Variants in VAV3 observed in about 807,000 individuals in gnomAD.
VAV3 encodes guanine nucleotide exchange factor VAV3.
VAV3 carries 94 observed loss-of-function variants against 131.2 expected under a neutral mutation model. The ratio of observed to expected loss-of-function variants is 0.72; its 90% CI spans 0.61 to 0.85. The LOEUF is 0.85. VAV3 is among the 40% of genes least tolerant of loss of function. The probability of loss-of-function intolerance (pLI) is 0.00; values close to 1 mark genes in which losing one functional copy is unlikely to be tolerated. For missense variants in VAV3, 939 were observed against 1,002.7 expected (o/e 0.94, Z 0.86); for synonymous variants, 349 against 342.0 (o/e 1.02, Z -0.22).
intron 15 of VAV3, among the ~76,000 whole-genome samples, chr1:107,737,079 A>G (rs1662690562): frequency 2.0e-5 from 3 of 152,208 alleles, no homozygotes; most frequent in Non-Finnish European, 4.4e-5. Context: ...ATCTTTGACA[A>G]TCCTGACAAA....
intron 19 of VAV3, among the ~76,000 whole-genome samples, chr1:107,667,794 A>G (rs374565316): frequency 2.6e-5 from 4 of 152,286 alleles, no homozygotes; most frequent in African/African-American, 9.6e-5. Flanking sequence ...ATATTTTGCT[A>G]TGATTTTATT....
At chr1:107,599,497 CA>C (rs1180135385) in intron 24 of VAV3, among the ~76,000 whole-genome samples, 3 of 152,114 alleles carry the variant, frequency 2.0e-5, no homozygotes, top group African/African-American at 4.8e-5. Context: ...ACCAAGGAAA[CA>C]GGCAATGGAG....
chr1:107,631,013 A>G (rs1035616356), intron 20 of VAV3, among the ~76,000 whole-genome samples: 3 of 152,186 alleles, frequency 2.0e-5, no homozygotes, highest in Non-Finnish European at 2.9e-5. Context: ...TAAGATCTTA[A>G]GTGCTTTTTT....
At chr1:107,894,634 C>G (rs1671480938) in intron 1 of VAV3, among the ~76,000 whole-genome samples, 2 of 152,264 alleles carry the variant, frequency 1.3e-5, no homozygotes, top group East Asian at 3.9e-4. Flanking sequence ...TAATTAAAGA[C>G]AATAAATGCT....
intron 25 of VAV3, among the ~76,000 whole-genome samples, chr1:107,577,533 C>T (rs1649742753): frequency 6.6e-6 from 1 of 152,202 alleles, no homozygotes; most frequent in Admixed American, 6.5e-5. Context: ...AGCCATACAA[C>T]CAAGTTCTGG....
intron 12 of VAV3, among the ~76,000 whole-genome samples, chr1:107,753,662 C>A (rs1213546299): frequency 6.6e-6 from 1 of 151,190 alleles, no homozygotes; most frequent in Non-Finnish European, 1.5e-5. Context: ...TGGGTTCAAG[C>A]AATTCTCCTG....
intron 15 of VAV3, among the ~76,000 whole-genome samples, chr1:107,712,234 A>T (rs868277887): frequency 2.6e-4 from 39 of 152,330 alleles, no homozygotes; most frequent in African/African-American, 9.1e-4. Context: ...AATGTTTTAA[A>T]CTGTGTGAAT....
rs774815323 is a variant in VAV3, at chr1:107,751,177, C to T, written c.1199G>A (p.Arg400Gln). 9.9e-6 allele frequency: 16 copies of T among 1,612,102 alleles called. No individual in the cohort carries two copies. Among genetic ancestry groups the T allele is most frequent in the South Asian group, 3.3e-5 (3 of 90,624 alleles). ...TCGAATTTCACCATCTCCCTGAGGT[C>T]GTCCAAAAAGCAAAACTGGTTGGTT... ...NLNQPVLLFG[R>Q]PQGDGEIRIT... Residue 400 changes from arginine to glutamine, a missense_variant, in exon 13 of 27, where the codon CGA (arginine) becomes CAA (glutamine). Transcript: ENST00000370056.
At chr1:107,885,723 C>T (rs769397292) in intron 1 of VAV3, among the ~76,000 whole-genome samples, 9 of 152,134 alleles carry the variant, frequency 5.9e-5, no homozygotes, top group Admixed American at 1.3e-4. Context: ...CACTGGGGCA[C>T]AGACAGGTAA....
intron 2 of VAV3, among the ~76,000 whole-genome samples, chr1:107,872,645 C>T (rs1362417746): frequency 2.6e-5 from 4 of 152,164 alleles, no homozygotes; most frequent in Admixed American, 6.5e-5. Flanking sequence ...ATAGTATCCA[C>T]ATGTTGGGAT....
At chr1:107,829,062 T>G (rs886231130) in intron 2 of VAV3, among the ~76,000 whole-genome samples, 4 of 152,190 alleles carry the variant, frequency 2.6e-5, no homozygotes, top group African/African-American at 9.6e-5. Context: ...GCATGCACAC[T>G]CTGCTTTCCT....
intron 22 of VAV3, among the ~76,000 whole-genome samples, chr1:107,605,619 T>C (rs1191546651): frequency 6.6e-6 from 1 of 152,222 alleles, no homozygotes; most frequent in Non-Finnish European, 1.5e-5. Context: ...ACCTCCAAAA[T>C]CTGAAACTTT....
At chr1:107,640,435 GA>G (rs1355207203) in intron 20 of VAV3, among the ~76,000 whole-genome samples, 1 of 152,134 alleles carries the variant, frequency 6.6e-6, no homozygotes, top group African/African-American at 2.4e-5. Context: ...TCTGAAAGCA[GA>G]ACAGTGGTTG....
At chr1:107,710,929 T>C (rs539971632) in intron 15 of VAV3, among the ~76,000 whole-genome samples, 33 of 152,256 alleles carry the variant, frequency 2.2e-4, no homozygotes, top group African/African-American at 7.5e-4. Context: ...AGTTTCTTAC[T>C]ATGATAAAGA....
chr1:107,700,628 G>T (rs1426938895), intron 17 of VAV3, among the ~76,000 whole-genome samples: 1 of 152,192 alleles, frequency 6.6e-6, no homozygotes, highest in Non-Finnish European at 1.5e-5. Context: ...TAAAGGACAT[G>T]ATCTCATTCC....
chr1:107,880,142 T>C (rs537045099), intron 1 of VAV3, among the ~76,000 whole-genome samples: 8 of 152,280 alleles, frequency 5.3e-5, no homozygotes, highest in Admixed American at 2.6e-4. Context: ...GCAAGTGCAA[T>C]GAAGAATACA....
At chr1:107,778,258 A>G (rs1665478092) in intron 3 of VAV3, among the ~76,000 whole-genome samples, 1 of 152,204 alleles carries the variant, frequency 6.6e-6, no homozygotes, top group African/African-American at 2.4e-5. Flanking sequence ...AGTGTGTGAG[A>G]AATGTAGTCT....
At chr1:107,953,299 G>C (rs369188757) in intron 1 of VAV3, among the ~76,000 whole-genome samples, 1 of 152,178 alleles carries the variant, frequency 6.6e-6, no homozygotes, top group African/African-American at 2.4e-5. Context: ...AGGCAGTGGG[G>C]AGAAGGAAGG....
At chr1:107,848,851 A>C (rs1034518521) in intron 2 of VAV3, among the ~76,000 whole-genome samples, 4 of 152,220 alleles carry the variant, frequency 2.6e-5, no homozygotes, top group Non-Finnish European at 5.9e-5. Context: ...AAATCTCCTT[A>C]AGGTGATAAG....
Sources: gnomAD v4.1 joint callset for allele counts (sites outside exome capture counted in the v4.1 genomes callset) on GRCh38, gnomAD v4.1.1 for gene constraint, MANE v1.5 for transcripts, NCBI Gene and HGNC (gene_info 2026-07-23, HGNC 2026-07-21) for gene names.